C1orf105: variants seen among roughly 807,000 people sequenced by gnomAD.
C1orf105 encodes chromosome 1 open reading frame 105, also known as uncharacterized protein C1orf105.
Under a neutral mutation model 20.8 loss-of-function variants are expected in C1orf105, and 17 were observed. That is an observed-to-expected ratio of 0.82 (90% confidence interval 0.56 to 1.23). The LOEUF (loss-of-function observed/expected upper bound fraction) is 1.23, where lower values mean the gene tolerates loss of function less well. C1orf105 is among the 50% of genes most tolerant of loss of function. C1orf105 has a pLI of 0.00. For synonymous variants in C1orf105, 72 were observed against 72.1 expected (o/e 1.00, Z 0.01); for missense variants, 219 against 213.5 (o/e 1.03, Z -0.16).
At position 172,462,193 on chromosome 1, in the gene C1orf105, A is replaced by G. The variant is rs16844498; in HGVS notation, c.289A>G (p.Met97Val). ...TCTTCTTGAGGTACAACCAAGAACAATGAAAATCCCAGATGATCCAAAAGC... is the reference window on the plus strand; with the variant it reads ...TCTTCTTGAGGTACAACCAAGAACAGTGAAAATCCCAGATGATCCAAAAGC... ...QEMKMVQPRT[M>V]KIPDDPKASF... is the part of the protein sequence containing the mutation. The change falls in exon 5 of 7, where the codon ATG becomes GTG. Residue 97 changes from methionine to valine, a missense_variant. Met to Val is a conservative substitution (Grantham distance 21). Coordinates refer to ENST00000367727, the MANE Select transcript of C1orf105 (RefSeq NM_139240.4). 0.059 allele frequency: 95,180 copies of G among 1,604,872 alleles called. 3,269 individuals carry two copies. The highest frequency in any genetic ancestry group is 0.11 in the Middle Eastern group (691 of 6,036).
chr1:172,423,568 A>G (rs2071645928), intron 1 of C1orf105, among the ~76,000 whole-genome samples: 4 of 151,862 alleles, frequency 2.6e-5, no homozygotes, highest in Admixed American at 2.6e-4. Flanking sequence ...ACAAGCATCC[A>G]CAAGCACAGG....
intron 1 of C1orf105, chr1:172,441,743 T>G (rs1647325715): frequency 2.6e-6 from 4 of 1,549,176 alleles, no homozygotes; most frequent in Admixed American, 2.0e-5. Flanking sequence ...CTGAGGAACC[T>G]GGACAAGTCT....
intron 1 of C1orf105, among the ~76,000 whole-genome samples, chr1:172,433,981 C>T (rs1275058251): frequency 6.6e-6 from 1 of 152,066 alleles, no homozygotes; most frequent in Non-Finnish European, 1.5e-5. Flanking sequence ...AGACTTTAAA[C>T]CAACAAAGAT....
intron 5 of C1orf105, 136 bp downstream of exon 5, chr1:172,462,381 T>C: frequency 1.6e-6 from 1 of 625,636 alleles, no homozygotes; most frequent in Admixed American, 4.1e-5. Flanking sequence ...GGTTTTATTT[T>C]TAGGTTAAAC....
chr1:172,448,316 G>C, intron 2 of C1orf105, 125 bp from the exon 3 acceptor site: 1 of 665,098 alleles, frequency 1.5e-6, no homozygotes, highest in Non-Finnish European at 2.7e-6. Context: ...TGGCCTGAGT[G>C]CTCCAGAACT....
chr1:172,424,257 G>A lies in C1orf105; in HGVS notation c.21+3351G>A, dbSNP rs79647678. On this transcript the variant is annotated intron_variant, in intron 1 of 6. Transcript: ENST00000367727. ...GAAGACCAAAGAGACTTAAGGATCT[G>A]CAAGGCAGTAACCAAGAAGTCACTA... Among the ~76,000 whole-genome samples, 1,072 of 152,350 alleles carry A rather than the reference G, an allele frequency of 7.0e-3. 5 individuals carry two copies. Among genetic ancestry groups the A allele is most frequent in the Admixed American group, 0.021 (323 of 15,296 alleles).
rs2071848704 is a variant in C1orf105, at chr1:172,430,745, AC to A, written c.21+9840del. ...TGTGAGCCATTGCGCCCAGCCAGAT[AC>A]AGCATTTTTTACAAATTGAAGATTT... is the stretch of plus-strand genomic sequence containing the variant. On this transcript the variant is annotated intron_variant, in intron 1 of 6. Coordinates refer to ENST00000367727, the MANE Select transcript of C1orf105 (RefSeq NM_139240.4). Among the ~76,000 whole-genome samples, 2 of 152,172 alleles carry A rather than the reference AC, an allele frequency of 1.3e-5. 1 individual carries two copies. The highest frequency in any genetic ancestry group is 2.9e-5 in the Non-Finnish European group (2 of 68,032).
At chr1:172,441,427 T>C in intron 1 of C1orf105, 1 of 237,712 alleles carries the variant, frequency 4.2e-6, no homozygotes, top group South Asian at 1.2e-4. Context: ...GTCTGCCTCC[T>C]GTTTATGGAA....
At chr1:172,436,420 G>T (rs1268838236) in intron 1 of C1orf105, among the ~76,000 whole-genome samples, 3 of 152,068 alleles carry the variant, frequency 2.0e-5, no homozygotes, top group African/African-American at 7.2e-5. Flanking sequence ...CAGAACAGAG[G>T]CCTCAGAAAT....
chr1:172,429,547 A>G (rs551378665), intron 1 of C1orf105, among the ~76,000 whole-genome samples: 2 of 152,376 alleles, frequency 1.3e-5, no homozygotes, highest in African/African-American at 2.4e-5. Flanking sequence ...GAAATTTTGT[A>G]TAACTATGTA....
At chr1:172,450,088 T>G (rs1025736962) in intron 3 of C1orf105, among the ~76,000 whole-genome samples, 5 of 152,222 alleles carry the variant, frequency 3.3e-5, no homozygotes, top group African/African-American at 1.2e-4. Flanking sequence ...ATATTCATAG[T>G]TAGCCACTAG....
intron 1 of C1orf105, among the ~76,000 whole-genome samples, chr1:172,424,877 C>T (rs2071684393): frequency 6.6e-6 from 1 of 152,084 alleles, no homozygotes; most frequent in Non-Finnish European, 1.5e-5. Context: ...GTGAGGCCCA[C>T]AGTGTTCTCA....
At chr1:172,459,701 A>G (rs1210359016) in intron 4 of C1orf105, among the ~76,000 whole-genome samples, 1 of 152,116 alleles carries the variant, frequency 6.6e-6, no homozygotes, top group Non-Finnish European at 1.5e-5. Context: ...CCATTCCTAG[A>G]TATGTACCCA....
intron 6 of C1orf105, chr1:172,465,823 T>G: frequency 2.7e-6 from 1 of 370,718 alleles, no homozygotes; most frequent in South Asian, 2.0e-5. Flanking sequence ...GCTATTCTTA[T>G]CTTCACTTGC....
intron 5 of C1orf105, among the ~76,000 whole-genome samples, chr1:172,463,181 C>G (rs1238145147): frequency 6.6e-6 from 1 of 152,194 alleles, no homozygotes; most frequent in Non-Finnish European, 1.5e-5. Context: ...TCATTCTAAA[C>G]AGGACATCAA....
chr1:172,454,963 T>C (rs770235657), intron 3 of C1orf105, among the ~76,000 whole-genome samples: 3 of 152,178 alleles, frequency 2.0e-5, no homozygotes, highest in Non-Finnish European at 4.4e-5. Flanking sequence ...CCTTAGAAAC[T>C]TCCTTCCAGA....
At chr1:172,456,531 G>A (rs1408327096) in intron 4 of C1orf105, 42 bp downstream of exon 4, 1 of 1,575,422 alleles carries the variant, frequency 6.3e-7, no homozygotes, top group South Asian at 1.1e-5. Context: ...GGCATCTCAG[G>A]GTGCAGCACT....
chr1:172,454,596 G>A (rs1026274218), intron 3 of C1orf105, among the ~76,000 whole-genome samples: 1 of 151,900 alleles, frequency 6.6e-6, no homozygotes, highest in Non-Finnish European at 1.5e-5. Flanking sequence ...TCACTTACCC[G>A]AAGCTGATTT....
intron 3 of C1orf105, among the ~76,000 whole-genome samples, chr1:172,451,923 A>G (rs1648695457): frequency 8.4e-6 from 1 of 118,668 alleles, no homozygotes; most frequent in Non-Finnish European, 1.6e-5. Context: ...CCCAGGCTGG[A>G]GTGCAATGGC....
Sources: allele counts gnomAD v4.1 joint callset (sites outside exome capture counted in the v4.1 genomes callset), GRCh38; gene constraint gnomAD v4.1.1; transcripts MANE v1.5; gene names NCBI Gene and HGNC (gene_info 2026-07-23, HGNC 2026-07-21).